Variants in SALL2 observed in about 807,000 individuals in gnomAD.
The protein encoded by SALL2 is spalt like transcription factor 2.
SALL2 carries 32 observed loss-of-function variants against 58.5 expected under a neutral mutation model. The ratio of observed to expected loss-of-function variants is 0.55; its 90% confidence interval spans 0.41 to 0.74. The LOEUF (loss-of-function observed/expected upper bound fraction) is 0.74. Ranked by LOEUF, SALL2 falls within the 30% of genes least tolerant of loss-of-function variation. The pLI is 0.00. For missense variants in SALL2, 1,201 were observed against 1,268.9 expected (o/e 0.95, Z 0.81); for synonymous variants, 516 against 513.6 (o/e 1.00, Z -0.06).
chr14:21,537,040 C>T, exon 1 of SALL2: 1 of 743,094 alleles, frequency 1.3e-6, no homozygotes, highest in Non-Finnish European at 2.4e-6. Context: ...CAGCGCAAAT[C>T]ACTGTGAAGC....
rs1462726950 is a variant in SALL2 at position 21,522,267 on chromosome 14, C to T, written c.*437G>A. 2.6e-6 allele frequency: 4 copies of T among 1,565,708 alleles called. No individual in the cohort carries two copies. In the East Asian group the frequency reaches 6.9e-5, roughly 27 times the overall value. ...GTTCTAGAAAGATAGGGGACCCATA[C>T]CCACCAGCTGAGCAGAAAGGTCACC... On this transcript the variant is annotated 3_prime_UTR_variant, in exon 2 of 2. Coordinates refer to ENST00000537235, the MANE Select transcript of SALL2 (RefSeq NM_001364564.1).
chr14:21,526,510 C>T (rs554107846), upstream of SALL2: 87 of 1,174,180 alleles, frequency 7.4e-5, no homozygotes, highest in South Asian at 1.3e-3. Flanking sequence ...TGAAGCACTG[C>T]GGGGGTCCAC....
Position 21,522,062 on chromosome 14 carries a change from A to C in SALL2, c.*642T>G, listed in dbSNP as rs1292411825. On this transcript the variant is annotated 3_prime_UTR_variant, in exon 2 of 2. Coordinates refer to ENST00000537235, the MANE Select transcript of SALL2 (RefSeq NM_001364564.1). ...GCACTGCCTTGGGTGCAGGAGGCTGAAATAGGAGGGGGGCTGTCTTCTCCT... is the reference window on the plus strand; with the variant it reads ...GCACTGCCTTGGGTGCAGGAGGCTGCAATAGGAGGGGGGCTGTCTTCTCCT... The C allele has an allele frequency of 1.3e-6, 2 of 1,597,254 alleles. No individual in the cohort carries two copies. Among genetic ancestry groups the C allele is most frequent in the Non-Finnish European group, 1.7e-6 (2 of 1,179,444 alleles).
chr14:21,528,356 T>C (rs982883854), upstream of SALL2, among the ~76,000 whole-genome samples: 8 of 152,222 alleles, frequency 5.3e-5, no homozygotes, highest in African/African-American at 1.9e-4. Context: ...CAGCAGCATA[T>C]TTCAAAGGTA....
At chr14:21,526,380 A>G, upstream of SALL2, 3 of 1,111,978 alleles carry the variant, frequency 2.7e-6, no homozygotes, top group South Asian at 5.7e-5. Flanking sequence ...GTTTATGGGG[A>G]GGAGCTGCTG....
chr14:21,531,489 C>T (rs903575101), intron 1 of SALL2, among the ~76,000 whole-genome samples: 1 of 152,052 alleles, frequency 6.6e-6, no homozygotes, highest in Admixed American at 6.6e-5. Flanking sequence ...TCACCGCAAC[C>T]TCCGCCTCCC....
chr14:21,522,732 G>A lies in SALL2; in HGVS notation c.2990C>T (p.Pro997Leu). 4 of 1,529,588 alleles carry A rather than the reference G, an allele frequency of 2.6e-6. No homozygotes were observed. In the South Asian group the frequency reaches 5.2e-5, roughly 20 times the overall value. 94.8% of individuals were successfully genotyped at this position (1,529,588 alleles called of 1,614,324 possible). The part of the protein sequence containing the change: ...SITSTGLSPF[P>L]RKDDPTIP ...TGGGATCGTGGGGTCATCTTTTCGG[G>A]GAAAGGGGGAGAGCCCTGTGGAGGT... Residue 997 changes from proline (P) to leucine (L), a missense_variant, in exon 2 of 2, where the codon CCC (proline) becomes CTC (leucine). Pro to Leu is a moderately conservative substitution (Grantham distance 98). Around this residue, in one of 3 missense-constraint regions of SALL2, gnomAD observed 675 missense variants for 683.8 expected, o/e 0.99. Coordinates refer to ENST00000537235, the MANE Select transcript of SALL2 (RefSeq NM_001364564.1).
At chr14:21,532,805 T>C (rs970640076) in intron 1 of SALL2, among the ~76,000 whole-genome samples, 3 of 140,946 alleles carry the variant, frequency 2.1e-5, no homozygotes, top group African/African-American at 8.0e-5. Flanking sequence ...CTACTGAAAA[T>C]ATAAAAAATT....
Position 21,525,802 on chromosome 14 carries a change from C to T in SALL2, c.68-148G>A, listed in dbSNP as rs1892278400. The T allele has an allele frequency of 3.3e-6, 3 of 918,810 alleles. No homozygotes were observed. Among genetic ancestry groups the T allele is most frequent in the African/African-American group, 1.8e-5 (1 of 56,830 alleles). 56.9% of individuals were successfully genotyped at this position (918,810 alleles called of 1,614,324 possible). A position where few individuals can be genotyped will look rare whatever the true frequency, so the allele number is the denominator to read the frequency against. Reference sequence around the variant, plus strand: ...GCCATGCAGAAGTCTAGAGCTCAGGCCTGATCCGTGTGGACAGGAGACAAC... The same window carrying T: ...GCCATGCAGAAGTCTAGAGCTCAGGTCTGATCCGTGTGGACAGGAGACAAC... On this transcript the variant is annotated intron_variant, in intron 1 of 1. Coordinates refer to ENST00000537235, the MANE Select transcript of SALL2 (RefSeq NM_001364564.1). This position sits in a 1 kb window ranked among gnomAD's most constrained non-coding sequence, Gnocchi z 4.4.
At chr14:21,535,407 G>T (rs1318198867) in intron 1 of SALL2, among the ~76,000 whole-genome samples, 6 of 151,902 alleles carry the variant, frequency 3.9e-5, no homozygotes, top group Admixed American at 2.6e-4. Flanking sequence ...GCTGACGTTT[G>T]CCAAGAGGTT....
At chr14:21,532,500 G>T (rs1431325804) in intron 1 of SALL2, among the ~76,000 whole-genome samples, 1 of 152,146 alleles carries the variant, frequency 6.6e-6, no homozygotes, top group Admixed American at 6.5e-5. Context: ...TTTTAGCCAG[G>T]TGTGGTGGCA....
At chr14:21,533,087 T>C (rs1892508151) in intron 1 of SALL2, among the ~76,000 whole-genome samples, 2 of 151,752 alleles carry the variant, frequency 1.3e-5, no homozygotes, top group South Asian at 4.2e-4. Flanking sequence ...TAGCCATGGG[T>C]GTTAGTTATT....
rs139935760 is a variant in SALL2, at chr14:21,535,998, G to C, written c.-114+964C>G. On this transcript the variant is annotated intron_variant, in intron 1 of 1. Transcript: ENST00000541965. ...CAGCCCTGAGCATTAGGAAATTGAA[G>C]TTTTTGTCCTGATTTTGCTTCTGTC... Among the ~76,000 whole-genome samples, 20 of 152,212 alleles carry C rather than the reference G, an allele frequency of 1.3e-4. No individual in the cohort carries two copies. The East Asian group carries it at 3.9e-3, about 29-fold the overall frequency.
At chr14:21,532,119 T>G (rs893975772) in intron 1 of SALL2, among the ~76,000 whole-genome samples, 1 of 152,196 alleles carries the variant, frequency 6.6e-6, no homozygotes, top group Non-Finnish European at 1.5e-5. Flanking sequence ...GTAAACATTA[T>G]GCTTTCAGAC....
In SALL2 at chr14:21,526,261, G is replaced by A. The variant is rs1892306822; in HGVS notation, c.-134C>T. ...ACTGCGGAGATGGAGATCGGCAGCG[G>A]CGGGGGCAGGGAGCAGCGGCGGAGG... is the stretch of plus-strand genomic sequence containing the variant. On this transcript the variant is annotated 5_prime_UTR_variant, in exon 1 of 2. Transcript: ENST00000537235. 2 of 1,446,410 alleles carry A rather than the reference G, an allele frequency of 1.4e-6. No individual in the cohort carries two copies. The highest frequency in any genetic ancestry group is 1.8e-6 in the Non-Finnish European group (2 of 1,103,194). The allele number at this position is 1,446,410 out of a possible 1,614,324, so 89.6% of individuals were successfully genotyped here.
intron 1 of SALL2, among the ~76,000 whole-genome samples, chr14:21,531,879 G>A (rs1033823590): frequency 2.0e-5 from 3 of 151,854 alleles, no homozygotes; most frequent in Non-Finnish European, 2.9e-5. Context: ...ACAGGTGTGC[G>A]CCATCACACC....
chr14:21,529,005 G>GA (rs1178328571), upstream of SALL2, among the ~76,000 whole-genome samples: 1 of 152,126 alleles, frequency 6.6e-6, no homozygotes. Context: ...GCTCTTTAAT[G>GA]AAATGTGCTT....
upstream of SALL2, among the ~76,000 whole-genome samples, chr14:21,530,853 C>T (rs776809447): frequency 2.2e-4 from 34 of 152,162 alleles, no homozygotes; most frequent in Admixed American, 3.9e-4. Flanking sequence ...CTCAAGGGAT[C>T]CTCCTGCCTT....
At chr14:21,536,828 C>T (rs1270232344) in intron 1 of SALL2, 4 of 1,612,452 alleles carry the variant, frequency 2.5e-6, no homozygotes, top group African/African-American at 2.7e-5. Context: ...TAGGGGCCCC[C>T]ACCCCTCCCC....
Sources: allele counts gnomAD v4.1 joint callset (sites outside exome capture counted in the v4.1 genomes callset), GRCh38; gene constraint gnomAD v4.1.1; regional missense constraint gnomAD v4.1.1; non-coding constraint Gnocchi (gnomAD v3.1); transcripts MANE v1.5; gene names NCBI Gene and HGNC (gene_info 2026-07-23, HGNC 2026-07-21).